Variants in PIR observed in about 807,000 individuals in gnomAD.
PIR encodes the protein pirin, also known as pirin (iron-binding nuclear protein).
PIR carries 22 observed loss-of-function variants against 24.2 expected under a neutral mutation model. That is an observed-to-expected ratio of 0.91 (90% CI 0.65 to 1.30). The LOEUF (loss-of-function observed/expected upper bound fraction) is 1.30. PIR is among the 50% of genes most tolerant of loss of function. The pLI is 0.00. For synonymous variants in PIR, 80 were observed against 79.6 expected (o/e 1.00, Z -0.03); for missense variants, 220 against 220.3 (o/e 1.00, Z 0.01).
chrX:15,455,936 T>G lies in PIR; in HGVS notation c.392A>C (p.Tyr131Ser). ...RSSEKMVEPQ[Y>S]QELKSEEIPK... ...GATTTCTTCACTTTTCAGTTCCTGG[T>G]ACTGAGGCTCCACCATCTTCTCTGA... Residue 131 changes from tyrosine to serine, a missense_variant, in exon 5 of 10, where the codon TAC becomes TCC. By Grantham distance (144) the Tyr-to-Ser change is moderately radical. Coordinates refer to ENST00000380420, the MANE Select transcript of PIR (RefSeq NM_001018109.3). 1 of 1,207,914 alleles carries G rather than the reference T, an allele frequency of 8.3e-7. No individual in the cohort carries two copies. The highest frequency in any genetic ancestry group is 1.1e-6 in the Non-Finnish European group (1 of 891,778).
chrX:15,397,751 C>T lies in PIR; in HGVS notation c.611-220G>A, dbSNP rs752996791. Among the ~76,000 whole-genome samples the T allele has an allele frequency of 6.7e-5, 5 of 74,395 alleles. No individual in the cohort carries two copies. The East Asian group carries it at 1.6e-3, about 24-fold the overall frequency. The allele number at this position is 74,395 out of a possible 115,157, so 64.6% of individuals were successfully genotyped here. A position where few individuals can be genotyped will look rare whatever the true frequency, so the allele number is the denominator to read the frequency against. The stretch of plus-strand genomic sequence containing the variant: ...AAAAAGGACAAGGAGATGAATCCTG[C>T]GTGTGTTTCCATTTACACTTTAATT... On this transcript the variant is annotated intron_variant, in intron 7 of 9. Coordinates refer to ENST00000380420, the MANE Select transcript of PIR (RefSeq NM_001018109.3).
intron 8 of PIR, among the ~76,000 whole-genome samples, chrX:15,395,384 A>G (rs1924097276): frequency 8.9e-6 from 1 of 111,960 alleles, no homozygotes; most frequent in South Asian, 3.7e-4. Flanking sequence ...TTTAGGCTTT[A>G]TTTGTCACAA....
chrX:15,411,432 G>A (rs982568185), intron 6 of PIR, among the ~76,000 whole-genome samples: 2 of 111,232 alleles, frequency 1.8e-5, no homozygotes, highest in East Asian at 5.6e-4. Context: ...GCCTTAACCC[G>A]GGTCATTTTC....
At chrX:15,451,416 C>G (rs913606143) in intron 5 of PIR, among the ~76,000 whole-genome samples, 13 of 110,365 alleles carry the variant, frequency 1.2e-4, no homozygotes, top group Non-Finnish European at 2.1e-4. Context: ...AAAAAAAGAT[C>G]AATCTGGCTT....
chrX:15,487,510 C>T (rs1922901970), intron 2 of PIR, among the ~76,000 whole-genome samples: 1 of 111,885 alleles, frequency 8.9e-6, no homozygotes, highest in Non-Finnish European at 1.9e-5. Flanking sequence ...GGAGATTCGT[C>T]ATACTATTTC....
chrX:15,417,577 A>G (rs1924967404), intron 6 of PIR, among the ~76,000 whole-genome samples: 1 of 111,630 alleles, frequency 9.0e-6, no homozygotes, highest in Non-Finnish European at 1.9e-5. Context: ...TAGTGCTTTA[A>G]AGTAACAAAA....
At chrX:15,411,070 T>C (rs902959602) in intron 6 of PIR, among the ~76,000 whole-genome samples, 8 of 111,608 alleles carry the variant, frequency 7.2e-5, no homozygotes, top group African/African-American at 2.3e-4. Flanking sequence ...AGAATTGATG[T>C]CATCCCCCAA....
chrX:15,464,892 A>G (rs1425269080), intron 3 of PIR, among the ~76,000 whole-genome samples: 1 of 112,156 alleles, frequency 8.9e-6, no homozygotes, highest in Non-Finnish European at 1.9e-5. Flanking sequence ...TCCATCCCCA[A>G]ATATTTTTCA....
intron 9 of PIR, among the ~76,000 whole-genome samples, chrX:15,387,068 CTTTTCTTTTTTTTTTTTTTTT>C (rs1923783229): frequency 4.8e-5 from 3 of 62,104 alleles, no homozygotes; most frequent in Admixed American, 4.1e-4. Context: ...TTTTTCTTTT[CTTTTCTTTTTTTTTTTTTTTT>C]TTTTTTTTTT....
intron 6 of PIR, among the ~76,000 whole-genome samples, chrX:15,421,635 T>C (rs1299987684): frequency 1.0e-5 from 1 of 98,205 alleles, no homozygotes; most frequent in Non-Finnish European, 2.0e-5. Flanking sequence ...AGTAATGAGA[T>C]AGAAGCCATA....
At chrX:15,405,126 A>C in intron 7 of PIR, among the ~76,000 whole-genome samples, 1 of 111,525 alleles carries the variant, frequency 9.0e-6, no homozygotes, top group Non-Finnish European at 1.9e-5. Flanking sequence ...GTCAGGAAAC[A>C]AGGCTCTAAC....
chrX:15,461,889 T>A (rs1199977122), intron 3 of PIR, among the ~76,000 whole-genome samples: 2 of 112,749 alleles, frequency 1.8e-5, no homozygotes, highest in African/African-American at 6.4e-5. Flanking sequence ...AAAAGCCCCA[T>A]CCGGCTAATG....
intron 3 of PIR, among the ~76,000 whole-genome samples, chrX:15,460,383 T>C (rs1187079989): frequency 1.8e-5 from 2 of 112,014 alleles, no homozygotes; most frequent in African/African-American, 6.5e-5. Flanking sequence ...GTGGTATATA[T>C]ACACAATGGA....
Position 15,471,091 on chromosome X carries a change from C to T in PIR, c.189+8638G>A, listed in dbSNP as rs151119255. Among the ~76,000 whole-genome samples, 55 of 112,268 alleles carry T rather than the reference C, an allele frequency of 4.9e-4. No homozygotes were observed. The East Asian group carries it at 0.013, about 27-fold the overall frequency. On this transcript the variant is annotated intron_variant, in intron 3 of 9. Transcript: ENST00000380420. ...TTTCAGTTAAATTTCTACTCTCCCTCATGTGACCTACGCTTGTTAACACAG... is the reference window on the plus strand; with the variant it reads ...TTTCAGTTAAATTTCTACTCTCCCTTATGTGACCTACGCTTGTTAACACAG...
intron 4 of PIR, among the ~76,000 whole-genome samples, chrX:15,457,102 A>C (rs1035185049): frequency 8.9e-6 from 1 of 112,167 alleles, no homozygotes; most frequent in African/African-American, 3.2e-5. Flanking sequence ...TGAGAAGGTT[A>C]TATCTGTGGA....
chrX:15,392,805 C>T (rs1871209836), intron 8 of PIR, among the ~76,000 whole-genome samples: 1 of 112,331 alleles, frequency 8.9e-6, no homozygotes, highest in Non-Finnish European at 1.9e-5. Context: ...TTATCCATAA[C>T]CCAACTAGCT....
intron 3 of PIR, among the ~76,000 whole-genome samples, chrX:15,470,060 T>C (rs1222454625): frequency 1.8e-5 from 2 of 111,517 alleles, no homozygotes; most frequent in Non-Finnish European, 3.8e-5. Context: ...ATATCAGATA[T>C]ATAGAAAGGG....
intron 5 of PIR, among the ~76,000 whole-genome samples, chrX:15,452,673 T>G (rs769477300): frequency 8.9e-6 from 1 of 112,160 alleles, no homozygotes; most frequent in South Asian, 3.7e-4. Flanking sequence ...GGTAAACTCC[T>G]GTGTCTTGGA....
At chrX:15,489,116 C>G (rs1363285753) in intron 2 of PIR, among the ~76,000 whole-genome samples, 1 of 111,854 alleles carries the variant, frequency 8.9e-6, no homozygotes, top group East Asian at 2.8e-4. Flanking sequence ...CAATTGAAAT[C>G]AAAGTTATTT....
Sources: allele counts gnomAD v4.1 joint callset (sites outside exome capture counted in the v4.1 genomes callset), GRCh38; gene constraint gnomAD v4.1.1; transcripts MANE v1.5; gene names NCBI Gene and HGNC (gene_info 2026-07-23, HGNC 2026-07-21).